The following COL14A1 variants were observed in gnomAD, a reference collection of about 807,000 sequenced individuals.
COL14A1 encodes the protein collagen type XIV alpha 1 chain.
In COL14A1, 136 loss-of-function variants were observed where a neutral mutation model predicts 230.3. The ratio of observed to expected loss-of-function variants is 0.59; its 90% confidence interval spans 0.51 to 0.68. COL14A1 has a LOEUF of 0.68. COL14A1 is among the 30% of genes least tolerant of loss of function. COL14A1 has a pLI of 0.00. For missense variants in COL14A1, 1,976 were observed against 2,215.8 expected, an observed-to-expected ratio of 0.89 and a Z score of 2.17; for synonymous variants, 792 against 784.1, an observed-to-expected ratio of 1.01 and a Z score of -0.17.
At chr8:120,189,242 G>C (rs1486066294) in intron 5 of COL14A1, among the ~76,000 whole-genome samples, 1 of 152,154 alleles carries the variant, frequency 6.6e-6, no homozygotes, top group African/African-American at 2.4e-5. Flanking sequence ...TTGTACATGT[G>C]TACCTTATGA....
intron 9 of COL14A1, among the ~76,000 whole-genome samples, chr8:120,204,853 A>G (rs1369200263): frequency 1.3e-5 from 2 of 152,138 alleles, no homozygotes; most frequent in Admixed American, 6.5e-5. Context: ...ATTACTCCCA[A>G]GTGGGGTTGA....
At chr8:120,359,085 T>C (rs1431096790) in intron 45 of COL14A1, among the ~76,000 whole-genome samples, 1 of 152,078 alleles carries the variant, frequency 6.6e-6, no homozygotes, top group East Asian at 1.9e-4. Context: ...TTATGTTAAC[T>C]TTTGGGATAC....
intron 5 of COL14A1, among the ~76,000 whole-genome samples, chr8:120,177,793 A>G (rs1471951154): frequency 6.6e-6 from 1 of 151,064 alleles, no homozygotes; most frequent in African/African-American, 2.4e-5. Flanking sequence ...AGAGATGAAA[A>G]GAATGAAAAA....
chr8:120,240,006 A>G (rs551795887), intron 19 of COL14A1, among the ~76,000 whole-genome samples: 1 of 152,080 alleles, frequency 6.6e-6, no homozygotes, highest in South Asian at 2.1e-4. Flanking sequence ...GTCTCTAGAT[A>G]ATTTTTCCTT....
chr8:120,285,639 A>T (rs1820170112), intron 32 of COL14A1, among the ~76,000 whole-genome samples: 1 of 152,044 alleles, frequency 6.6e-6, no homozygotes, highest in Non-Finnish European at 1.5e-5. Flanking sequence ...TATGTGTAGG[A>T]GTCTTTGCCT....
intron 40 of COL14A1, among the ~76,000 whole-genome samples, chr8:120,322,981 G>A (rs1264462339): frequency 6.6e-6 from 1 of 152,190 alleles, no homozygotes; most frequent in Non-Finnish European, 1.5e-5. Flanking sequence ...TCGCCGCACT[G>A]CCTTCCACAA....
intron 6 of COL14A1, 54 bp from the exon 7 acceptor site, chr8:120,197,757 T>C: frequency 6.4e-7 from 1 of 1,568,942 alleles, no homozygotes; most frequent in Non-Finnish European, 8.7e-7. Context: ...AGTAGCCCAC[T>C]AGATTTTTGA....
At chr8:120,332,050 G>T in intron 40 of COL14A1, 91 bp from the exon 41 acceptor site, 2 of 1,073,906 alleles carry the variant, frequency 1.9e-6, no homozygotes, top group South Asian at 1.3e-5. Flanking sequence ...AGCAGGACTT[G>T]ACCCCCAAAC....
chr8:120,205,159 C>T (rs1015585525), intron 9 of COL14A1, among the ~76,000 whole-genome samples: 3 of 151,776 alleles, frequency 2.0e-5, no homozygotes, highest in African/African-American at 4.8e-5. Context: ...ATGTTTAAAA[C>T]GTTTCAGTCT....
intron 40 of COL14A1, among the ~76,000 whole-genome samples, chr8:120,328,683 C>G (rs551377509): frequency 6.6e-6 from 1 of 152,310 alleles, no homozygotes; most frequent in Admixed American, 6.5e-5. Flanking sequence ...GAGTATCCTT[C>G]CAGGGTCATA....
chr8:120,276,256 G>C (rs1332273767), intron 26 of COL14A1, among the ~76,000 whole-genome samples: 1 of 151,070 alleles, frequency 6.6e-6, no homozygotes, highest in East Asian at 1.9e-4. Context: ...AAGTAATTCA[G>C]GAATGGAAAA....
chr8:120,156,436 T>G (rs1035550558), intron 2 of COL14A1, among the ~76,000 whole-genome samples: 3 of 152,144 alleles, frequency 2.0e-5, no homozygotes, highest in Non-Finnish European at 4.4e-5. Flanking sequence ...CCCAAAGTGC[T>G]GGGATTACAG....
At chr8:120,325,918 T>G (rs1821651322) in intron 40 of COL14A1, among the ~76,000 whole-genome samples, 1 of 152,220 alleles carries the variant, frequency 6.6e-6, no homozygotes, top group African/African-American at 2.4e-5. Context: ...TTTTTAGCTG[T>G]TAATAGTTGA....
chr8:120,324,789 T>C (rs976412555), intron 40 of COL14A1, among the ~76,000 whole-genome samples: 5 of 152,284 alleles, frequency 3.3e-5, no homozygotes, highest in Non-Finnish European at 2.9e-5. Context: ...AATAGTATAA[T>C]TGAGTCACTA....
intron 19 of COL14A1, among the ~76,000 whole-genome samples, chr8:120,241,968 CA>C (rs1011204751): frequency 1.3e-5 from 2 of 152,156 alleles, no homozygotes; most frequent in Admixed American, 6.5e-5. Context: ...ACGTTTTGAA[CA>C]CTGACATGAT....
At chr8:120,283,805 C>T (rs988483301) in intron 32 of COL14A1, 27 bp downstream of exon 32, 2 of 1,589,492 alleles carry the variant, frequency 1.3e-6, no homozygotes, top group Admixed American at 1.8e-5. Flanking sequence ...AGATCACATT[C>T]ACATATACAT....
intron 25 of COL14A1, among the ~76,000 whole-genome samples, chr8:120,269,398 C>T (rs192701429): frequency 2.6e-5 from 4 of 151,782 alleles, no homozygotes; most frequent in Admixed American, 2.6e-4. Flanking sequence ...TCTGTAATAC[C>T]TACTGATAAT....
At chr8:120,249,936 C>G (rs1354082176) in intron 21 of COL14A1, among the ~76,000 whole-genome samples, 1 of 152,102 alleles carries the variant, frequency 6.6e-6, no homozygotes, top group African/African-American at 2.4e-5. Context: ...GTCACTAACT[C>G]AAAGCTCTTA....
At chr8:120,247,535 T>A (rs1818802408) in intron 20 of COL14A1, 78 bp from the exon 21 acceptor site, 2 of 1,325,184 alleles carry the variant, frequency 1.5e-6, no homozygotes. Context: ...AGATGTCTTA[T>A]ATTTTGATGG....
Sources: gnomAD v4.1 joint callset for allele counts (sites outside exome capture counted in the v4.1 genomes callset) on GRCh38, gnomAD v4.1.1 for gene constraint, MANE v1.5 for transcripts, NCBI Gene and HGNC (gene_info 2026-07-23, HGNC 2026-07-21) for gene names.